The following TASP1 variants were observed in gnomAD, a reference collection of about 807,000 sequenced individuals.
TASP1 encodes taspase 1, also known as threonine aspartase 1.
Under a neutral mutation model 56.6 loss-of-function variants are expected in TASP1, and 16 were observed. The ratio of observed to expected loss-of-function variants is 0.28; its 90% confidence interval spans 0.19 to 0.43. The LOEUF is 0.43. Among genes scored for constraint, TASP1 ranks in the 20% least tolerant of loss-of-function variants. The pLI, the probability that TASP1 is intolerant of heterozygous loss-of-function variation, is 1.00. For missense variants in TASP1, 393 were observed against 511.6 expected (o/e 0.77, Z 2.24); for synonymous variants, 179 against 184.2 (o/e 0.97, Z 0.23).
intron 4 of TASP1, among the ~76,000 whole-genome samples, chr20:13,594,333 A>G (rs2047647275): frequency 6.6e-6 from 1 of 152,224 alleles, no homozygotes; most frequent in Non-Finnish European, 1.5e-5. Flanking sequence ...AAAGGATCAC[A>G]GCTCTTCGCC....
At chr20:13,496,714 T>C (rs1238775068) in intron 10 of TASP1, among the ~76,000 whole-genome samples, 1 of 152,168 alleles carries the variant, frequency 6.6e-6, no homozygotes, top group Non-Finnish European at 1.5e-5. Flanking sequence ...AATCCTCTAA[T>C]ATGTCTCACA....
At chr20:13,588,783 CTT>C (rs1200514096) in intron 4 of TASP1, among the ~76,000 whole-genome samples, 1 of 152,026 alleles carries the variant, frequency 6.6e-6, no homozygotes, top group Non-Finnish European at 1.5e-5. Flanking sequence ...ATCCTAGCTA[CTT>C]TTTTTGGCAG....
the TASP1 span, among the ~76,000 whole-genome samples, chr20:13,215,373 CTT>C: frequency 4.6e-5 from 7 of 152,178 alleles, no homozygotes; most frequent in Non-Finnish European, 1.0e-4. Context: ...TTATGATGCA[CTT>C]TTCTCCCCCA....
chr20:13,407,609 G>C (rs141796906), intron 13 of TASP1, among the ~76,000 whole-genome samples: 368 of 152,194 alleles, frequency 2.4e-3, no homozygotes, highest in African/African-American at 8.1e-3. Flanking sequence ...GGAATTGCTG[G>C]GTCACATGGT....
At chr20:13,207,122 C>T in the TASP1 span, among the ~76,000 whole-genome samples, 4 of 152,306 alleles carry the variant, frequency 2.6e-5, no homozygotes, top group East Asian at 7.7e-4. Flanking sequence ...ATAACAATCA[C>T]TCTATAACTT....
At chr20:13,296,657 T>C in the TASP1 span, among the ~76,000 whole-genome samples, 1 of 152,152 alleles carries the variant, frequency 6.6e-6, no homozygotes, top group Admixed American at 6.5e-5. Context: ...TGTGCTGGTT[T>C]AGGCTGAGGG....
At chr20:13,151,906 C>T in the TASP1 span, among the ~76,000 whole-genome samples, 1 of 152,070 alleles carries the variant, frequency 6.6e-6, no homozygotes, top group Non-Finnish European at 1.5e-5. Flanking sequence ...ATATCCTATG[C>T]TAGTGATACC....
At chr20:13,435,229 G>C in intron 11 of TASP1, 75 bp from the exon 12 acceptor site, 2 of 1,090,412 alleles carry the variant, frequency 1.8e-6, no homozygotes, top group Non-Finnish European at 2.7e-6. Flanking sequence ...TTGATTATTA[G>C]AACAAAAATG....
At chr20:13,299,201 G>A in the TASP1 span, 3 of 1,603,198 alleles carry the variant, frequency 1.9e-6, no homozygotes, top group East Asian at 2.3e-5. This position sits in a 1 kb window ranked among gnomAD's most constrained non-coding sequence, Gnocchi z 5.8. Context: ...AGAGCACCAC[G>A]CTGGCGGCAC....
the TASP1 span, among the ~76,000 whole-genome samples, chr20:13,204,562 C>T: frequency 1.4e-5 from 2 of 139,558 alleles, no homozygotes; most frequent in African/African-American, 2.9e-5. Flanking sequence ...TTTTTTGAGA[C>T]GGAGTCTCGC....
At chr20:13,343,415 A>C in the TASP1 span, among the ~76,000 whole-genome samples, 1 of 152,202 alleles carries the variant, frequency 6.6e-6, no homozygotes, top group Non-Finnish European at 1.5e-5. Flanking sequence ...GTTCTCACCC[A>C]TGTGAAAGTT....
the TASP1 span, among the ~76,000 whole-genome samples, chr20:13,260,811 CT>C: frequency 6.6e-6 from 1 of 152,274 alleles, no homozygotes; most frequent in Admixed American, 6.5e-5. Context: ...GGTTCACTAG[CT>C]TAAACCCGCA....
the TASP1 span, among the ~76,000 whole-genome samples, chr20:13,337,105 A>C: frequency 6.6e-6 from 1 of 152,242 alleles, no homozygotes; most frequent in African/African-American, 2.4e-5. Context: ...TGTAACCTCA[A>C]GTTAAAGCAA....
rs562571117 is a variant in TASP1 at position 13,443,034 on chromosome 20, T to C, written c.986-7880A>G. 3.6e-4 allele frequency among the ~76,000 whole-genome samples: 55 copies of C among 152,326 alleles called. No homozygotes were observed. The East Asian group carries it at 0.01, about 28-fold the overall frequency. ...GGCTGTTGTGAGGACTGAATTTGTA[T>C]GTATGAACTTTTTAACTTCTAAGAT... is the stretch of plus-strand genomic sequence containing the variant. On this transcript the variant is annotated intron_variant, in intron 11 of 13. Transcript: ENST00000337743.
the TASP1 span, among the ~76,000 whole-genome samples, chr20:13,362,296 G>A: frequency 6.6e-6 from 1 of 151,802 alleles, no homozygotes; most frequent in Non-Finnish European, 1.5e-5. Context: ...GCACGTATAT[G>A]CCCAGATGGC....
intron 4 of TASP1, among the ~76,000 whole-genome samples, chr20:13,603,625 C>G (rs558275752): frequency 6.6e-6 from 1 of 152,176 alleles, no homozygotes; most frequent in African/African-American, 2.4e-5. Context: ...TATCTCTTAA[C>G]GGACTTCTAT....
intron 8 of TASP1, among the ~76,000 whole-genome samples, chr20:13,538,516 G>A (rs1364530165): frequency 1.3e-5 from 2 of 152,200 alleles, no homozygotes; most frequent in Non-Finnish European, 2.9e-5. Context: ...TCAGGTTTGA[G>A]AGCAGCATTA....
At chr20:13,183,114 T>A in the TASP1 span, among the ~76,000 whole-genome samples, 1 of 152,208 alleles carries the variant, frequency 6.6e-6, no homozygotes, top group Non-Finnish European at 1.5e-5. Context: ...GCTTAAAAAA[T>A]GTTTATACAA....
intron 13 of TASP1, among the ~76,000 whole-genome samples, chr20:13,405,773 G>A (rs1037891554): frequency 6.7e-6 from 1 of 149,728 alleles, no homozygotes; most frequent in Non-Finnish European, 1.5e-5. Flanking sequence ...AGCCAGGATA[G>A]TCTTGATCTC....
Sources: allele counts gnomAD v4.1 joint callset (sites outside exome capture counted in the v4.1 genomes callset), GRCh38; gene constraint gnomAD v4.1.1; non-coding constraint Gnocchi (gnomAD v3.1); transcripts MANE v1.5; gene names NCBI Gene and HGNC (gene_info 2026-07-23, HGNC 2026-07-21).